Variants in SENP7 observed in about 807,000 individuals in gnomAD.
SENP7 encodes SUMO specific peptidase 7, also known as sentrin-specific protease 7.
In SENP7, 64 loss-of-function variants were observed where a neutral mutation model predicts 141.2. That is an observed-to-expected ratio of 0.45 (90% CI 0.37 to 0.56). The LOEUF (loss-of-function observed/expected upper bound fraction) is 0.56, where lower values mean the gene tolerates loss of function less well. Among genes scored for constraint, SENP7 ranks in the 20% least tolerant of loss-of-function variants. The probability of loss-of-function intolerance (pLI) is 0.00; values close to 1 mark genes in which losing one functional copy is unlikely to be tolerated. For synonymous variants in SENP7, 382 were observed against 426.4 expected (o/e 0.90, Z 1.28); for missense variants, 1,025 against 1,212.2 (o/e 0.85, Z 2.29).
intron 4 of SENP7, among the ~76,000 whole-genome samples, chr3:101,421,394 C>T (rs1349902995): frequency 6.6e-6 from 1 of 151,630 alleles, no homozygotes; most frequent in African/African-American, 2.4e-5. Context: ...GCAAACAAAA[C>T]TTTAAGGAAA....
At chr3:101,508,821 T>A (rs2065734304) in intron 1 of SENP7, among the ~76,000 whole-genome samples, 1 of 152,166 alleles carries the variant, frequency 6.6e-6, no homozygotes, top group South Asian at 2.1e-4. Context: ...AGTCACAAAG[T>A]ACTAACAGCT....
At position 101,388,827 on chromosome 3, in the gene SENP7, CT is replaced by C. The variant is rs533712695; in HGVS notation, c.677+10033del. ...AAAAAAAAAGAACTAAACAGAAATC[CT>C]GGAACTTAAGAATCCAATTAATGAA... On this transcript the variant is annotated intron_variant, in intron 6 of 23. Transcript: ENST00000394095. 1.5e-4 allele frequency among the ~76,000 whole-genome samples: 22 copies of C among 151,348 alleles called. 1 individual carries two copies. The South Asian group carries it at 4.6e-3, about 32-fold the overall frequency.
intron 7 of SENP7, 131 bp downstream of exon 7, chr3:101,371,877 T>A: frequency 2.8e-6 from 1 of 361,922 alleles, no homozygotes. Flanking sequence ...TTTATTTGTG[T>A]TGCCAAATAA....
At chr3:101,473,035 G>A (rs544419447) in intron 3 of SENP7, among the ~76,000 whole-genome samples, 2 of 152,264 alleles carry the variant, frequency 1.3e-5, no homozygotes, top group East Asian at 3.9e-4. Context: ...CCATTAGTTT[G>A]CTAAGGATAA....
intron 6 of SENP7, among the ~76,000 whole-genome samples, chr3:101,390,839 C>T (rs1383661084): frequency 6.6e-6 from 1 of 152,058 alleles, no homozygotes; most frequent in Non-Finnish European, 1.5e-5. Context: ...CAGGATAGAC[C>T]ATATGTTAAG....
chr3:101,499,911 C>T (rs141844740), intron 2 of SENP7, among the ~76,000 whole-genome samples: 5 of 151,772 alleles, frequency 3.3e-5, no homozygotes, highest in African/African-American at 9.6e-5. Flanking sequence ...TAAGATGATC[C>T]GCCCGCCTCA....
chr3:101,425,063 C>T (rs1260993014), intron 4 of SENP7, among the ~76,000 whole-genome samples: 2 of 152,144 alleles, frequency 1.3e-5, no homozygotes, highest in Non-Finnish European at 2.9e-5. Flanking sequence ...ATTGTGAGTC[C>T]CCCCATAGTC....
intron 4 of SENP7, among the ~76,000 whole-genome samples, chr3:101,446,054 G>A (rs2062879683): frequency 6.6e-6 from 1 of 152,104 alleles, no homozygotes; most frequent in South Asian, 2.1e-4. Context: ...TTGGTTCGTG[G>A]GGGAGAATGT....
intron 4 of SENP7, among the ~76,000 whole-genome samples, chr3:101,451,583 C>G (rs2063138110): frequency 6.6e-6 from 1 of 152,152 alleles, no homozygotes; most frequent in African/African-American, 2.4e-5. Flanking sequence ...TAAACGTAAT[C>G]CAGCATATAA....
chr3:101,450,228 TAGAA>T (rs1448177673), intron 4 of SENP7, among the ~76,000 whole-genome samples: 2 of 152,116 alleles, frequency 1.3e-5, no homozygotes, highest in African/African-American at 4.8e-5. Flanking sequence ...CTTAGAGACC[TAGAA>T]AGAGAGTTAA....
In SENP7 at chr3:101,494,266, C is replaced by T. The variant is rs141398886; in HGVS notation, c.91-298G>A. The stretch of plus-strand genomic sequence containing the variant: ...ATGTCAGCCCCAGAGTTCTCTAATA[C>T]ATAAAACCTAATTATGGCTGCAATA... On this transcript the variant is annotated intron_variant, in intron 2 of 23. Transcript: ENST00000394095. Among the ~76,000 whole-genome samples, 31 of 152,270 alleles carry T rather than the reference C, an allele frequency of 2.0e-4. No homozygotes were observed. In the East Asian group the frequency reaches 4.8e-3, roughly 24 times the overall value.
intron 1 of SENP7, among the ~76,000 whole-genome samples, chr3:101,510,853 A>AAAAAAAC: frequency 6.6e-6 from 1 of 151,198 alleles, no homozygotes; most frequent in Non-Finnish European, 1.5e-5. Context: ...CAAAAAAAAA[A>AAAAAAAC]AAAAAAAAAA....
chr3:101,326,800 T>C (rs1425544932), intron 23 of SENP7, among the ~76,000 whole-genome samples: 3 of 152,150 alleles, frequency 2.0e-5, no homozygotes, highest in African/African-American at 7.2e-5. Flanking sequence ...TCTCCAATCT[T>C]GCTGGGACTC....
At chr3:101,468,023 G>A (rs1285674905) in intron 3 of SENP7, among the ~76,000 whole-genome samples, 2 of 152,102 alleles carry the variant, frequency 1.3e-5, no homozygotes, top group African/African-American at 4.8e-5. Flanking sequence ...ATGACCTCAT[G>A]GAGGTGAAAA....
intron 3 of SENP7, among the ~76,000 whole-genome samples, chr3:101,493,000 T>C (rs2065023018): frequency 6.6e-6 from 1 of 152,222 alleles, no homozygotes; most frequent in African/African-American, 2.4e-5. Context: ...AGAACCTAAA[T>C]GCCCTTCCAT....
At chr3:101,511,816 T>TG (rs975003795) in intron 1 of SENP7, among the ~76,000 whole-genome samples, 1 of 152,116 alleles carries the variant, frequency 6.6e-6, no homozygotes, top group African/African-American at 2.4e-5. Context: ...TTTTTGTTTT[T>TG]TTTTTGTTGT....
intron 4 of SENP7, among the ~76,000 whole-genome samples, chr3:101,430,667 G>GT (rs1334701715): frequency 1.3e-5 from 2 of 152,034 alleles, no homozygotes; most frequent in Middle Eastern, 3.2e-3. Context: ...TTTTTGAAGG[G>GT]TTTTTTGTGT....
At position 101,337,921 on chromosome 3, in the gene SENP7, G is replaced by A. The variant is rs982505437; in HGVS notation, c.2358-290C>T. Among the ~76,000 whole-genome samples the A allele has an allele frequency of 4.6e-5, 7 of 152,162 alleles. No individual in the cohort carries two copies. In the East Asian group the frequency reaches 1.2e-3, roughly 25 times the overall value. On this transcript the variant is annotated intron_variant, in intron 16 of 23. Coordinates refer to ENST00000394095, the MANE Select transcript of SENP7 (RefSeq NM_020654.5). The stretch of plus-strand genomic sequence containing the variant: ...TGTAATCCAAGCACTTTGGGAGGCC[G>A]AGGCGGGCAGATCACGAGGTCAAGA...
intron 12 of SENP7, among the ~76,000 whole-genome samples, chr3:101,348,362 A>C (rs2059527820): frequency 6.6e-6 from 1 of 152,202 alleles, no homozygotes; most frequent in South Asian, 2.1e-4. Flanking sequence ...TTTGAGATTA[A>C]ATATTCATAG....
Sources: allele counts gnomAD v4.1 joint callset (sites outside exome capture counted in the v4.1 genomes callset), GRCh38; gene constraint gnomAD v4.1.1; transcripts MANE v1.5; gene names NCBI Gene and HGNC (gene_info 2026-07-23, HGNC 2026-07-21).